Variants in NPEPPS observed in about 807,000 individuals in gnomAD.
The protein encoded by NPEPPS is puromycin-sensitive aminopeptidase.
In NPEPPS, 14 loss-of-function variants were observed where a neutral mutation model predicts 115.5. The observed-to-expected ratio is 0.12, with a 90% CI of 0.08 to 0.19. NPEPPS has a LOEUF of 0.19. Ranked by LOEUF, NPEPPS falls within the 10% of genes least tolerant of loss-of-function variation. NPEPPS has a pLI of 1.00. For missense variants in NPEPPS, 523 were observed against 1,110.8 expected (o/e 0.47, Z 7.52); for synonymous variants, 285 against 390.6 (o/e 0.73, Z 3.19).
intron 10 of NPEPPS, 36 bp from the exon 11 acceptor site, chr17:47,591,920 C>T: frequency 1.4e-6 from 1 of 725,040 alleles, no homozygotes. Flanking sequence ...AGGCTATCTG[C>T]TTCCTGTCAT....
chr17:47,621,745 C>A, intron 22 of NPEPPS, 23 bp from the exon 23 acceptor site: 2 of 1,584,992 alleles, frequency 1.3e-6, no homozygotes, highest in Non-Finnish European at 8.6e-7. Context: ...AATGATCCTG[C>A]ATTCTGGGTT....
intron 19 of NPEPPS, among the ~76,000 whole-genome samples, chr17:47,613,949 C>G (rs1412229004): frequency 6.6e-6 from 1 of 151,844 alleles, no homozygotes; most frequent in Non-Finnish European, 1.5e-5. Context: ...GCCTTTTTTA[C>G]TCACTTTTTG....
At chr17:47,540,132 G>A (rs1427337159) in intron 1 of NPEPPS, among the ~76,000 whole-genome samples, 2 of 152,160 alleles carry the variant, frequency 1.3e-5, no homozygotes, top group Non-Finnish European at 2.9e-5. Flanking sequence ...GTTACCAGGC[G>A]TCAAGCTGCC....
Position 47,568,396 on chromosome 17 carries a change from CT to C in NPEPPS, c.341-1019del, listed in dbSNP as rs905202326. 7.9e-5 allele frequency among the ~76,000 whole-genome samples: 12 copies of C among 152,154 alleles called. 1 individual carries two copies. Among genetic ancestry groups the C allele is most frequent in the Admixed American group, 6.6e-4 (10 of 15,264 alleles). ...ATGTTGGCCAGGCTGTTCTCGAACTCTTGACCTCAGGTGATCCACACGCCTC... is the reference window on the plus strand; with the variant it reads ...ATGTTGGCCAGGCTGTTCTCGAACTCTGACCTCAGGTGATCCACACGCCTC... On this transcript the variant is annotated intron_variant, in intron 2 of 22. Transcript: ENST00000322157.
chr17:47,594,173 A>T (rs1406240954), intron 12 of NPEPPS, among the ~76,000 whole-genome samples: 1 of 152,086 alleles, frequency 6.6e-6, no homozygotes, highest in Non-Finnish European at 1.5e-5. Flanking sequence ...AAGGTGCTAC[A>T]CCTGAATGCA....
rs1241361784 is a variant in NPEPPS at position 47,555,385 on chromosome 17, T to C, written c.340+9392T>C. On this transcript the variant is annotated intron_variant, in intron 2 of 22. Coordinates refer to ENST00000322157, the MANE Select transcript of NPEPPS (RefSeq NM_006310.4). The stretch of plus-strand genomic sequence containing the variant: ...TTTTTGAGATGGAGTTTCGCTCTTA[T>C]TGCCCAGGCTGGAGTGCAATGGCAT... Among the ~76,000 whole-genome samples the C allele has an allele frequency of 5.3e-5, 8 of 150,850 alleles. No individual in the cohort carries two copies. In the East Asian group the frequency reaches 5.9e-4, roughly 11 times the overall value.
intron 14 of NPEPPS, among the ~76,000 whole-genome samples, chr17:47,601,175 C>T (rs1295788444): frequency 6.6e-6 from 1 of 151,940 alleles, no homozygotes; most frequent in African/African-American, 2.4e-5. Context: ...GTGGAAGTTG[C>T]AGTGAGCTGA....
intron 3 of NPEPPS, among the ~76,000 whole-genome samples, chr17:47,571,822 T>C (rs2143809880): frequency 6.6e-6 from 1 of 152,320 alleles, no homozygotes; most frequent in South Asian, 2.1e-4. Context: ...TGCTGCATTG[T>C]CTGGTGAATC....
chr17:47,566,505 G>GTTT (rs201456111), intron 2 of NPEPPS, among the ~76,000 whole-genome samples: 4 of 124,262 alleles, frequency 3.2e-5, no homozygotes, highest in Non-Finnish European at 3.5e-5. Flanking sequence ...TAGGTTTTTT[G>GTTT]TTTTTTTTTT....
intron 15 of NPEPPS, among the ~76,000 whole-genome samples, chr17:47,602,330 T>TA (rs1051523771): frequency 3.3e-5 from 5 of 151,666 alleles, no homozygotes; most frequent in African/African-American, 4.8e-5. Context: ...TGCTTTTTTT[T>TA]AAAAAAAAGC....
At chr17:47,553,586 A>T (rs1407918278) in intron 2 of NPEPPS, among the ~76,000 whole-genome samples, 1 of 152,202 alleles carries the variant, frequency 6.6e-6, no homozygotes, top group Admixed American at 6.5e-5. Context: ...CTGAAACCAC[A>T]GATAGTAGCA....
intron 1 of NPEPPS, among the ~76,000 whole-genome samples, chr17:47,534,727 C>G (rs1325033559): frequency 1.3e-5 from 2 of 151,772 alleles, no homozygotes; most frequent in East Asian, 4.0e-4. Context: ...TGCCATCACG[C>G]CCAACTAATT....
chr17:47,587,154 T>C lies in NPEPPS; in HGVS notation c.981-76T>C, dbSNP rs1912241602. The C allele has an allele frequency of 6.3e-6, 9 of 1,429,296 alleles. No individual in the cohort carries two copies. In the East Asian group the frequency reaches 2.3e-4, roughly 37 times the overall value. The allele number at this position is 1,429,296 out of a possible 1,614,324, so 88.5% of individuals were successfully genotyped here. ...AGCCTAACTTGTCCATCTGACTTAC[T>C]GTCTGAATCTTCCCAACTTATGCAT... On this transcript the variant is annotated intron_variant, in intron 8 of 22. Transcript: ENST00000322157.
chr17:47,611,359 C>CT (rs1326190216), intron 17 of NPEPPS, among the ~76,000 whole-genome samples: 2 of 150,960 alleles, frequency 1.3e-5, no homozygotes, highest in African/African-American at 4.9e-5. Flanking sequence ...ACTCAGAAGA[C>CT]TGAGGTAGAG....
chr17:47,590,987 A>G (rs1212994829), intron 10 of NPEPPS, 106 bp downstream of exon 10: 18 of 1,459,166 alleles, frequency 1.2e-5, no homozygotes, highest in Non-Finnish European at 1.7e-5. Context: ...AGAAAATAGC[A>G]TGGGTGATTT....
rs145796837 is a variant in NPEPPS at position 47,534,342 on chromosome 17, G to C, written c.255+2787G>C. 5.6e-3 allele frequency among the ~76,000 whole-genome samples: 857 copies of C among 152,262 alleles called. 7 individuals are homozygous for C. Among genetic ancestry groups the C allele is most frequent in the African/African-American group, 0.02 (833 of 41,558 alleles). ...GATCTGCCCGCCTTGGCCTCCTAAA[G>C]AGCTGGGATTACAGGCGTGAGCCAC... is the stretch of plus-strand genomic sequence containing the variant. On this transcript the variant is annotated intron_variant, in intron 1 of 22. Transcript: ENST00000322157.
chr17:47,566,563 G>A (rs796116173), intron 2 of NPEPPS, among the ~76,000 whole-genome samples: 1 of 146,612 alleles, frequency 6.8e-6, no homozygotes, highest in Admixed American at 6.8e-5. Context: ...GTGCAGTGGC[G>A]CATCTCGGCT....
intron 5 of NPEPPS, among the ~76,000 whole-genome samples, chr17:47,584,128 G>A (rs1231838519): frequency 1.3e-5 from 2 of 151,494 alleles, no homozygotes; most frequent in Non-Finnish European, 2.9e-5. Context: ...GGCTGAGGCA[G>A]GAGAATTGCT....
At chr17:47,600,660 A>G (rs1913138937) in intron 14 of NPEPPS, among the ~76,000 whole-genome samples, 1 of 152,180 alleles carries the variant, frequency 6.6e-6, no homozygotes, top group Non-Finnish European at 1.5e-5. Context: ...AAGCTATGTA[A>G]TTTATTAAAG....
Sources: gnomAD v4.1 joint callset for allele counts (sites outside exome capture counted in the v4.1 genomes callset) on GRCh38, gnomAD v4.1.1 for gene constraint, MANE v1.5 for transcripts, NCBI Gene and HGNC (gene_info 2026-07-23, HGNC 2026-07-21) for gene names.